MAF: variants seen among roughly 807,000 people sequenced by gnomAD.
MAF encodes the protein transcription factor Maf.
Under a neutral mutation model 22.0 loss-of-function variants are expected in MAF, and 10 were observed. The ratio of observed to expected loss-of-function variants is 0.45; its 90% CI spans 0.28 to 0.77. The LOEUF (loss-of-function observed/expected upper bound fraction) is 0.77. MAF is among the 30% of genes least tolerant of loss of function. MAF has a pLI of 0.12. For missense variants in MAF, 544 were observed against 548.4 expected, an observed-to-expected ratio of 0.99 and a Z score of 0.08; for synonymous variants, 337 against 255.8, an observed-to-expected ratio of 1.32 and a Z score of -3.03.
At chr16:79,253,176 G>A in the MAF span, among the ~76,000 whole-genome samples, 9 of 152,152 alleles carry the variant, frequency 5.9e-5, no homozygotes, top group Admixed American at 2.0e-4. Context: ...CAGCCCTGAC[G>A]CAAGGATGCT....
chr16:79,251,588 A>G, the MAF span, among the ~76,000 whole-genome samples: 1 of 152,222 alleles, frequency 6.6e-6, no homozygotes, highest in African/African-American at 2.4e-5. Context: ...AAGTGCTGGC[A>G]TGAGCCACTG....
At chr16:79,299,129 T>G in the MAF span, among the ~76,000 whole-genome samples, 29 of 152,266 alleles carry the variant, frequency 1.9e-4, no homozygotes, top group African/African-American at 6.7e-4. Flanking sequence ...TTCTCCCTCC[T>G]CTGCTGTCAT....
At chr16:79,393,338 GGT>G in the MAF span, among the ~76,000 whole-genome samples, 2 of 152,182 alleles carry the variant, frequency 1.3e-5, no homozygotes, top group Non-Finnish European at 2.9e-5. Flanking sequence ...TAATTTCCAT[GGT>G]TGGCGAATAG....
the MAF span, among the ~76,000 whole-genome samples, chr16:79,486,961 C>T: frequency 2.9e-4 from 44 of 152,146 alleles, no homozygotes; most frequent in Non-Finnish European, 8.8e-5. Context: ...GCAGTCCATC[C>T]TAAATCTGCT....
the MAF span, among the ~76,000 whole-genome samples, chr16:79,400,594 C>T: frequency 6.6e-6 from 1 of 152,228 alleles, no homozygotes; most frequent in Non-Finnish European, 1.5e-5. Context: ...AGAATACCCC[C>T]TTCACGGGTT....
chr16:79,236,419 G>A, the MAF span, among the ~76,000 whole-genome samples: 10 of 151,968 alleles, frequency 6.6e-5, no homozygotes, highest in African/African-American at 2.2e-4. Context: ...GATTCCTTGG[G>A]GAAAGTCAAG....
the MAF span, among the ~76,000 whole-genome samples, chr16:79,210,724 G>A: frequency 2.0e-5 from 3 of 151,708 alleles, no homozygotes; most frequent in Non-Finnish European, 3.0e-5. Context: ...ATTATGGCTT[G>A]CAAAGCAAAG....
At chr16:79,406,474 C>T in the MAF span, among the ~76,000 whole-genome samples, 15 of 152,234 alleles carry the variant, frequency 9.9e-5, no homozygotes, top group East Asian at 9.7e-4. Context: ...GGCTGGCTTC[C>T]GGGTTCAGGT....
At chr16:79,287,874 CCAAA>C in the MAF span, among the ~76,000 whole-genome samples, 2 of 152,192 alleles carry the variant, frequency 1.3e-5, no homozygotes, top group South Asian at 2.1e-4. Context: ...TAGGCAGTCA[CCAAA>C]CAGACAAGGC....
the MAF span, among the ~76,000 whole-genome samples, chr16:79,555,261 C>G: frequency 0.011 from 1,631 of 152,284 alleles, 26 homozygotes; most frequent in African/African-American, 0.037. Context: ...TAAATAACTA[C>G]TGCTTCATGC....
chr16:79,598,487 T>C (rs1913716483), intron 1 of MAF: 1 of 1,317,582 alleles, frequency 7.6e-7, no homozygotes, highest in Non-Finnish European at 9.7e-7. Flanking sequence ...TAGCAAGTTA[T>C]GGAGAATTTC....
the MAF span, among the ~76,000 whole-genome samples, chr16:79,415,539 G>C: frequency 6.6e-6 from 1 of 152,174 alleles, no homozygotes; most frequent in African/African-American, 2.4e-5. Flanking sequence ...GGTTGTGAGG[G>C]AGGCTGGCAG....
chr16:79,411,142 C>T, the MAF span, among the ~76,000 whole-genome samples: 1 of 152,148 alleles, frequency 6.6e-6, no homozygotes, highest in Non-Finnish European at 1.5e-5. Flanking sequence ...AGTCACTATT[C>T]AGGTGATTTT....
chr16:79,291,908 GGGTC>G, the MAF span, among the ~76,000 whole-genome samples: 1 of 150,936 alleles, frequency 6.6e-6, no homozygotes, highest in Non-Finnish European at 1.5e-5. Flanking sequence ...TGTGATGTGT[GGGTC>G]ACTGCAGAGA....
At chr16:79,261,397 C>T in the MAF span, among the ~76,000 whole-genome samples, 2 of 152,316 alleles carry the variant, frequency 1.3e-5, no homozygotes, top group African/African-American at 2.4e-5. Context: ...AAGTGATCCA[C>T]CCGCCTCGGC....
At chr16:79,565,394 G>T in the MAF span, among the ~76,000 whole-genome samples, 2 of 152,260 alleles carry the variant, frequency 1.3e-5, no homozygotes, top group Non-Finnish European at 2.9e-5. Flanking sequence ...GCTGACCTGG[G>T]ACTATGATAT....
At chr16:79,576,564 G>A in the MAF span, among the ~76,000 whole-genome samples, 1 of 150,686 alleles carries the variant, frequency 6.6e-6, no homozygotes, top group African/African-American at 2.4e-5. Flanking sequence ...TTTTTTTTCA[G>A]AGGAGGGCAG....
At chr16:79,552,228 T>C in the MAF span, among the ~76,000 whole-genome samples, 1,871 of 152,166 alleles carry the variant, frequency 0.012, 33 homozygotes, top group African/African-American at 0.043. Flanking sequence ...TTCTTTTTTT[T>C]TTTCAGTCAG....
the MAF span, among the ~76,000 whole-genome samples, chr16:79,214,152 C>G: frequency 1.3e-5 from 2 of 152,054 alleles, no homozygotes; most frequent in Non-Finnish European, 2.9e-5. Context: ...CATTCTTATT[C>G]CCCTTCCCCT....
Sources: allele counts gnomAD v4.1 joint callset (sites outside exome capture counted in the v4.1 genomes callset), GRCh38; gene constraint gnomAD v4.1.1; transcripts MANE v1.5; gene names NCBI Gene and HGNC (gene_info 2026-07-23, HGNC 2026-07-21).